CCM2: variants seen among roughly 807,000 people sequenced by gnomAD.
CCM2 encodes CCM2 scaffold protein, also known as cerebral cavernous malformations 2 protein.
A neutral mutation model predicts 44.9 loss-of-function variants in CCM2; 25 were observed. That is an observed-to-expected ratio of 0.56 (90% CI 0.41 to 0.78). The LOEUF (loss-of-function observed/expected upper bound fraction) is 0.78. Ranked by LOEUF, CCM2 falls within the 30% of genes least tolerant of loss-of-function variation. CCM2 has a pLI of 0.00. For missense variants in CCM2, 481 were observed against 580.6 expected (o/e 0.83, Z 1.76); for synonymous variants, 219 against 241.1 (o/e 0.91, Z 0.85).
At chr7:45,000,948 A>G (rs1795593693) in intron 1 of CCM2, among the ~76,000 whole-genome samples, 1 of 152,256 alleles carries the variant, frequency 6.6e-6, no homozygotes, top group African/African-American at 2.4e-5. Context: ...GGGTTATAGT[A>G]GTCGATAAAG....
chr7:45,075,745 G>C (rs200124379), intron 9 of CCM2, 32 bp from the exon 10 acceptor site: 1 of 1,613,300 alleles, frequency 6.2e-7, no homozygotes, highest in South Asian at 1.1e-5. Context: ...AGCCGAACTG[G>C]AGGTGCCATG....
In CCM2 at chr7:45,076,099, G is replaced by C; in HGVS notation, c.*42G>C. 1.2e-6 allele frequency: 2 copies of C among 1,610,898 alleles called. No individual in the cohort carries two copies. Among genetic ancestry groups the C allele is most frequent in the Non-Finnish European group, 1.7e-6 (2 of 1,179,698 alleles). ...GGGCACCCACACCTTCCGCGCAGTC[G>C]TCATAGGCCTTCCCAGAAGGAGCTG... On this transcript the variant is annotated 3_prime_UTR_variant, in exon 10 of 10. Coordinates refer to ENST00000258781, the MANE Select transcript of CCM2 (RefSeq NM_031443.4).
intron 1 of CCM2, among the ~76,000 whole-genome samples, chr7:45,013,302 T>G (rs1384261420): frequency 6.6e-6 from 1 of 152,024 alleles, no homozygotes. Context: ...TTATAAATCT[T>G]ACATTAGATT....
intron 2 of CCM2, among the ~76,000 whole-genome samples, chr7:45,053,608 A>C (rs1051798656): frequency 5.3e-5 from 8 of 152,150 alleles, no homozygotes; most frequent in Non-Finnish European, 1.2e-4. Flanking sequence ...TGTGCGAGTC[A>C]GTGCTGCTCC....
At chr7:45,028,436 T>TC (rs1171581363) in intron 1 of CCM2, among the ~76,000 whole-genome samples, 1 of 151,964 alleles carries the variant, frequency 6.6e-6, no homozygotes, top group East Asian at 1.9e-4. Flanking sequence ...GGTGGGTGGA[T>TC]CAGGAGGTCA....
At chr7:45,020,642 G>C (rs1796446492) in intron 1 of CCM2, among the ~76,000 whole-genome samples, 1 of 152,170 alleles carries the variant, frequency 6.6e-6, no homozygotes, top group African/African-American at 2.4e-5. Flanking sequence ...TTAACAAATT[G>C]TTTTGTATGG....
At chr7:45,023,130 C>G (rs530295294) in intron 1 of CCM2, among the ~76,000 whole-genome samples, 2 of 152,336 alleles carry the variant, frequency 1.3e-5, no homozygotes, top group East Asian at 3.9e-4. Context: ...CCCACTTTCT[C>G]CCTTTCTAAG....
chr7:45,075,894 C>T lies in CCM2; in HGVS notation c.1172C>T (p.Ala391Val). ...ITDSFGRHRR[A>V]LSTTSSSTTN... is the part of the protein sequence containing the mutation. The stretch of plus-strand genomic sequence containing the variant: ...GACAGCTTTGGCAGGCACCGGCGGG[C>T]CCTGAGCACCACATCCAGTTCCACC... Residue 391 changes from alanine (A) to valine (V), a missense_variant, in exon 10 of 10, where the codon GCC (alanine) becomes GTC (valine). By Grantham distance (64) the Ala-to-Val change is moderately conservative. Coordinates refer to ENST00000258781, the MANE Select transcript of CCM2 (RefSeq NM_031443.4). 6.2e-7 allele frequency: 1 copy of T among 1,613,282 alleles called. No individual in the cohort carries two copies. The highest frequency in any genetic ancestry group is 8.5e-7 in the Non-Finnish European group (1 of 1,180,016).
intron 1 of CCM2, among the ~76,000 whole-genome samples, chr7:45,022,603 G>A (rs1796526597): frequency 6.6e-6 from 1 of 151,734 alleles, no homozygotes. Flanking sequence ...ACCGTGCCTG[G>A]CCTTTTCTTT....
chr7:45,008,082 G>T (rs1795916505), intron 1 of CCM2, among the ~76,000 whole-genome samples: 1 of 139,784 alleles, frequency 7.2e-6, no homozygotes, highest in Non-Finnish European at 1.5e-5. Flanking sequence ...TTGCTCTGCT[G>T]CCCAGGCTGG....
chr7:45,072,969 T>C (rs548072977), intron 7 of CCM2, 186 bp downstream of exon 7: 5 of 677,434 alleles, frequency 7.4e-6, no homozygotes, highest in African/African-American at 3.5e-5. Flanking sequence ...CGTAGACTTC[T>C]AGAGCCCTTG....
intron 1 of CCM2, among the ~76,000 whole-genome samples, chr7:45,017,206 T>C (rs553091451): frequency 6.6e-6 from 1 of 152,226 alleles, no homozygotes. Flanking sequence ...CTGACAGTTA[T>C]TTTTTCCAGA....
At chr7:45,017,765 T>C (rs994642589) in intron 1 of CCM2, among the ~76,000 whole-genome samples, 1 of 152,168 alleles carries the variant, frequency 6.6e-6, no homozygotes, top group Admixed American at 6.5e-5. Context: ...GGGAATATAA[T>C]GAGGTGCGTC....
In CCM2 at chr7:45,064,621, T is replaced by C. The variant is rs753507853; in HGVS notation, c.447T>C (p.Ala149=). 1 of 1,613,978 alleles carries C rather than the reference T, an allele frequency of 6.2e-7. No homozygotes were observed. The highest frequency in any genetic ancestry group is 2.2e-5 in the East Asian group (1 of 44,888). The change falls in exon 4 of 10, where the codon GCT becomes GCC. Residue 149 remains alanine, a synonymous_variant. Coordinates refer to ENST00000258781, the MANE Select transcript of CCM2 (RefSeq NM_031443.4). ...CCGTCTCCTATGTTCGGGATGACGC[T>C]GCACACCTGGTGGTCCTGAAGACAG... ...IAAVSYVRDD[A]AHLVVLKTAQ...
At chr7:45,033,044 CAAAA>C (rs60956411) in intron 1 of CCM2, among the ~76,000 whole-genome samples, 792 of 58,022 alleles carry the variant, frequency 0.014, 4 homozygotes, top group African/African-American at 0.051. Flanking sequence ...AACTCCGTCT[CAAAA>C]AAAAAAAAAA....
intron 2 of CCM2, among the ~76,000 whole-genome samples, chr7:45,055,831 A>T (rs557252952): frequency 6.6e-6 from 1 of 152,190 alleles, no homozygotes; most frequent in Non-Finnish European, 1.5e-5. Flanking sequence ...CTGTTGGACA[A>T]TGCCTCTCCA....
At chr7:45,059,561 A>G (rs1348244011) in intron 2 of CCM2, among the ~76,000 whole-genome samples, 4 of 152,134 alleles carry the variant, frequency 2.6e-5, no homozygotes, top group African/African-American at 9.7e-5. Flanking sequence ...CCTGGGCAAC[A>G]TGGCAAAACC....
In CCM2 at chr7:45,022,290, CTTTTTTTTTTTTTTTT is replaced by C. The variant is rs34095527; in HGVS notation, c.31-15949_31-15934del. On this transcript the variant is annotated intron_variant, in intron 1 of 9. Transcript: ENST00000258781. ...GGATCATTATTTTTTTTTGGACCAG[CTTTTTTTTTTTTTTTT>C]TTTTTTTTTTTTTGAGATGGAGTCT... 2.9e-4 allele frequency among the ~76,000 whole-genome samples: 13 copies of C among 45,452 alleles called. No homozygotes were observed. In the Admixed American group the frequency reaches 3.1e-3, roughly 11 times the overall value. The allele number at this position is 45,452 out of a possible 152,430, so 29.8% of individuals were successfully genotyped here. A position where few individuals can be genotyped will look rare whatever the true frequency, so the allele number is the denominator to read the frequency against.
intron 2 of CCM2, among the ~76,000 whole-genome samples, chr7:45,057,232 G>T (rs1302880779): frequency 6.6e-6 from 1 of 150,992 alleles, no homozygotes; most frequent in East Asian, 2.0e-4. Flanking sequence ...GTATGATCTC[G>T]ACTCACTGCA....
Sources: gnomAD v4.1 joint callset for allele counts (sites outside exome capture counted in the v4.1 genomes callset) on GRCh38, gnomAD v4.1.1 for gene constraint, MANE v1.5 for transcripts, NCBI Gene and HGNC (gene_info 2026-07-23, HGNC 2026-07-21) for gene names.